Variants in LAMB4 observed in about 807,000 individuals in gnomAD.
The protein encoded by LAMB4 is laminin subunit beta-4.
LAMB4 carries 196 observed loss-of-function variants against 199.2 expected under a neutral mutation model. The observed-to-expected ratio is 0.98, with a 90% CI of 0.88 to 1.11. The LOEUF is 1.11. Among genes scored for constraint, LAMB4 ranks in the 50% least tolerant of loss-of-function variants. LAMB4 has a pLI of 0.00. For missense variants in LAMB4, 2,080 were observed against 2,171.2 expected, an observed-to-expected ratio of 0.96 and a Z score of 0.83; for synonymous variants, 744 against 770.6, an observed-to-expected ratio of 0.97 and a Z score of 0.57.
At chr7:108,016,786 TG>T in the LAMB4 span, among the ~76,000 whole-genome samples, 1 of 152,202 alleles carries the variant, frequency 6.6e-6, no homozygotes, top group Non-Finnish European at 1.5e-5. Flanking sequence ...TCACTATGAA[TG>T]TTTTATTGAC....
At chr7:108,043,573 T>G (rs2035505146) in intron 29 of LAMB4, among the ~76,000 whole-genome samples, 179 bp downstream of exon 29, 1 of 44,654 alleles carries the variant, frequency 2.2e-5, no homozygotes, top group Non-Finnish European at 3.6e-5. Flanking sequence ...TTTTTTTTTT[T>G]TTTTTTTTTT....
intron 2 of LAMB4, among the ~76,000 whole-genome samples, chr7:108,117,183 A>G (rs984143126): frequency 3.3e-5 from 5 of 152,242 alleles, no homozygotes; most frequent in Non-Finnish European, 5.9e-5. Flanking sequence ...TAAATTACCT[A>G]TATAGTACAG....
At chr7:108,014,840 A>G in the LAMB4 span, among the ~76,000 whole-genome samples, 1 of 151,796 alleles carries the variant, frequency 6.6e-6, no homozygotes, top group South Asian at 2.1e-4. Context: ...CTCTTACCTC[A>G]GCCTCCAGAG....
chr7:108,057,832 G>A lies in LAMB4; in HGVS notation c.3379C>T (p.Pro1127Ser), dbSNP rs769773184. The part of the protein sequence containing the change: ...YYGDPPGRCI[P>S]CDCNRAGTQK... Reference sequence around the variant, plus strand: ...AGTTTTTAGAAATCCCAATACTTACGAATGCATCGCCCAGGTGGATCACCA... The same window carrying A: ...AGTTTTTAGAAATCCCAATACTTACAAATGCATCGCCCAGGTGGATCACCA... Residue 1127 changes from proline (P) to serine (S), a missense_variant and splice_region_variant, in exon 24 of 34, where the codon CCA becomes TCA. Transcript: ENST00000388781. 10 of 1,600,666 alleles carry A rather than the reference G, an allele frequency of 6.2e-6. No homozygotes were observed. The highest frequency in any genetic ancestry group is 4.0e-5 in the African/African-American group (3 of 74,602).
At chr7:108,098,672 T>C (rs2037718040) in intron 10 of LAMB4, 90 bp from the exon 11 acceptor site, 1 of 1,080,282 alleles carries the variant, frequency 9.3e-7, no homozygotes, top group Non-Finnish European at 1.3e-6. Context: ...GCTATAACTA[T>C]CTTGCTTTGT....
intron 28 of LAMB4, among the ~76,000 whole-genome samples, chr7:108,044,840 C>A (rs1330378759): frequency 3.3e-5 from 5 of 151,126 alleles, no homozygotes; most frequent in Non-Finnish European, 7.4e-5. Flanking sequence ...GTAATTCCAG[C>A]TACTGGGGAG....
downstream of LAMB4, among the ~76,000 whole-genome samples, chr7:108,023,295 A>G (rs922872266): frequency 1.7e-4 from 24 of 137,992 alleles, no homozygotes; most frequent in African/African-American, 8.6e-4. Flanking sequence ...TAGAAATCAT[A>G]CGTGCAAAAA....
chr7:108,113,060 T>A (rs1336614799), intron 3 of LAMB4, among the ~76,000 whole-genome samples: 1 of 152,252 alleles, frequency 6.6e-6, no homozygotes, highest in African/African-American at 2.4e-5. Context: ...TCTTATCTCT[T>A]GCTCCTTCCC....
At chr7:108,089,853 A>G (rs2150605834) in intron 14 of LAMB4, among the ~76,000 whole-genome samples, 1 of 152,290 alleles carries the variant, frequency 6.6e-6, no homozygotes, top group Non-Finnish European at 1.5e-5. Flanking sequence ...TTTTGTAGAT[A>G]TGGGACCTCA....
chr7:108,119,984 C>A (rs1020003353), intron 2 of LAMB4, among the ~76,000 whole-genome samples: 6 of 152,256 alleles, frequency 3.9e-5, no homozygotes, highest in African/African-American at 1.4e-4. Context: ...CCCCCATCAA[C>A]CTCTGGATGG....
At chr7:108,028,141 C>G (rs1042037844) in intron 33 of LAMB4, among the ~76,000 whole-genome samples, 3 of 152,080 alleles carry the variant, frequency 2.0e-5, no homozygotes, top group Non-Finnish European at 4.4e-5. Flanking sequence ...GATCAAAATC[C>G]TTGTCTAGAA....
At chr7:108,038,937 G>A (rs1365142419) in intron 29 of LAMB4, among the ~76,000 whole-genome samples, 4 of 152,128 alleles carry the variant, frequency 2.6e-5, no homozygotes, top group South Asian at 4.1e-4. Flanking sequence ...TGATCACACA[G>A]GAACAGAAGT....
At chr7:108,120,118 G>A (rs916878682) in intron 2 of LAMB4, among the ~76,000 whole-genome samples, 18 of 152,058 alleles carry the variant, frequency 1.2e-4, no homozygotes, top group Admixed American at 8.5e-4. Flanking sequence ...GGAGTGACAG[G>A]GATGGGCCTA....
intron 33 of LAMB4, among the ~76,000 whole-genome samples, chr7:108,025,417 C>CT (rs772964568): frequency 4.1e-4 from 44 of 107,814 alleles, no homozygotes; most frequent in African/African-American, 2.8e-3. Flanking sequence ...TTCTTTCTTT[C>CT]TTCTTTCTTT....
At chr7:108,110,430 C>T (rs1351188093) in intron 4 of LAMB4, among the ~76,000 whole-genome samples, 1 of 152,220 alleles carries the variant, frequency 6.6e-6, no homozygotes, top group East Asian at 1.9e-4. Flanking sequence ...GGATTAGACA[C>T]ATTTCAACTG....
chr7:108,072,077 T>A (rs2036552834), intron 17 of LAMB4, among the ~76,000 whole-genome samples: 1 of 152,184 alleles, frequency 6.6e-6, no homozygotes, highest in Non-Finnish European at 1.5e-5. Context: ...TAGAGTGATG[T>A]TTATTACAGG....
chr7:108,023,281 C>T (rs1427940541), downstream of LAMB4, among the ~76,000 whole-genome samples: 1 of 149,082 alleles, frequency 6.7e-6, no homozygotes, highest in Non-Finnish European at 1.5e-5. Flanking sequence ...GCAATTTGCT[C>T]TATTAGAAAT....
intron 24 of LAMB4, among the ~76,000 whole-genome samples, chr7:108,057,597 A>G (rs778907549): frequency 6.6e-6 from 1 of 152,212 alleles, no homozygotes; most frequent in Non-Finnish European, 1.5e-5. Flanking sequence ...AGGAATTTTA[A>G]GACAGGCTAC....
chr7:108,061,610 G>A (rs1025527919), intron 23 of LAMB4, among the ~76,000 whole-genome samples: 19 of 151,650 alleles, frequency 1.3e-4, no homozygotes, highest in African/African-American at 4.6e-4. Context: ...GTGGTGGTGG[G>A]CGCCTGTAAT....
Sources: gnomAD v4.1 joint callset for allele counts (sites outside exome capture counted in the v4.1 genomes callset) on GRCh38, gnomAD v4.1.1 for gene constraint, MANE v1.5 for transcripts, NCBI Gene and HGNC (gene_info 2026-07-23, HGNC 2026-07-21) for gene names.